The following SCAMP1 variants were observed in gnomAD, a reference collection of about 807,000 sequenced individuals.
SCAMP1 encodes secretory carrier membrane protein 1.
In SCAMP1, 15 loss-of-function variants were observed where a neutral mutation model predicts 41.8. The ratio of observed to expected loss-of-function variants is 0.36; its 90% CI spans 0.24 to 0.55. The LOEUF (loss-of-function observed/expected upper bound fraction) is 0.55, where lower values mean the gene tolerates loss of function less well. SCAMP1 is among the 20% of genes least tolerant of loss of function. SCAMP1 has a pLI of 0.86. For missense variants in SCAMP1, 341 were observed against 412.6 expected (o/e 0.83, Z 1.50); for synonymous variants, 135 against 136.8 (o/e 0.99, Z 0.09).
chr5:78,389,005 C>T (rs1751419065), intron 2 of SCAMP1, 91 bp downstream of exon 2: 5 of 628,292 alleles, frequency 8.0e-6, no homozygotes, highest in African/African-American at 3.8e-5. Flanking sequence ...ATTGCTTACA[C>T]TTAAATAAAA....
At chr5:78,390,671 T>A (rs78223969) in intron 2 of SCAMP1, among the ~76,000 whole-genome samples, 3 of 151,420 alleles carry the variant, frequency 2.0e-5, no homozygotes, top group South Asian at 2.1e-4. Context: ...TTTTTTTTTT[T>A]ATTGATCATT....
At chr5:78,405,804 C>G (rs368910832) in intron 2 of SCAMP1, among the ~76,000 whole-genome samples, 1 of 152,244 alleles carries the variant, frequency 6.6e-6, no homozygotes, top group Admixed American at 6.5e-5. Flanking sequence ...GTTCCTTTAT[C>G]TATTTGAAAA....
intron 2 of SCAMP1, among the ~76,000 whole-genome samples, chr5:78,397,616 G>C (rs1751684318): frequency 6.6e-6 from 1 of 152,080 alleles, no homozygotes; most frequent in Non-Finnish European, 1.5e-5. Flanking sequence ...AATTATTACA[G>C]TTCAATATTA....
In SCAMP1 at chr5:78,475,601, C is replaced by T; in HGVS notation, c.950C>T (p.Ala317Val). 6.2e-7 allele frequency: 1 copy of T among 1,607,524 alleles called. No individual in the cohort carries two copies. The highest frequency in any genetic ancestry group is 8.5e-7 in the Non-Finnish European group (1 of 1,177,160). ...VMSNKTVQTA[A>V]ANAASTAASS... Reference sequence around the variant, plus strand: ...TCCAACAAAACTGTCCAGACCGCAGCTGCAAATGCAGCTTCAACTGCAGCA... The same window carrying T: ...TCCAACAAAACTGTCCAGACCGCAGTTGCAAATGCAGCTTCAACTGCAGCA... Residue 317 changes from alanine (A) to valine (V), a missense_variant, in exon 9 of 9, where the codon GCT becomes GTT. Coordinates refer to ENST00000621999, the MANE Select transcript of SCAMP1 (RefSeq NM_004866.6).
At chr5:78,444,131 A>G (rs1241229798) in intron 6 of SCAMP1, among the ~76,000 whole-genome samples, 1 of 152,184 alleles carries the variant, frequency 6.6e-6, no homozygotes, top group Non-Finnish European at 1.5e-5. Context: ...ATTTCAGCAT[A>G]AAGTTACTAA....
chr5:78,452,873 C>G (rs1376664388), intron 7 of SCAMP1, among the ~76,000 whole-genome samples: 2 of 149,404 alleles, frequency 1.3e-5, no homozygotes, highest in South Asian at 4.3e-4. Context: ...TTTTAATGAT[C>G]GCCATTCTAA....
At chr5:78,383,151 T>TATCA (rs1241555257) in intron 1 of SCAMP1, among the ~76,000 whole-genome samples, 1 of 152,236 alleles carries the variant, frequency 6.6e-6, no homozygotes, top group Admixed American at 6.5e-5. Flanking sequence ...AGTAAGTTGG[T>TATCA]ATCACATTGT....
chr5:78,363,428 C>G lies in SCAMP1; in HGVS notation c.57+2700C>G, dbSNP rs1750713235. 2.6e-5 allele frequency among the ~76,000 whole-genome samples: 4 copies of G among 152,012 alleles called. 1 individual carries two copies. The South Asian group carries it at 8.3e-4, about 31-fold the overall frequency. ...GTTTCACCGTGTTAGCCAGGATGGT[C>G]TCGATCTCCTGACCTCGTGATCTAC... On this transcript the variant is annotated intron_variant, in intron 1 of 8. Transcript: ENST00000621999.
chr5:78,474,426 G>C (rs1188366642), intron 8 of SCAMP1, among the ~76,000 whole-genome samples: 1 of 152,168 alleles, frequency 6.6e-6, no homozygotes, highest in Non-Finnish European at 1.5e-5. Context: ...GAGTTGGAAT[G>C]AATGAACAAA....
rs1352007400 is a variant in SCAMP1 at position 78,451,712 on chromosome 5, C to T, written c.734+1678C>T. ...TCGCCCTATCACCCAGGCTGGAGTG[C>T]CGTGGCATGATCTCAGCTCACTGCC... On this transcript the variant is annotated intron_variant, in intron 7 of 8. Transcript: ENST00000621999. Among the ~76,000 whole-genome samples, 3 of 152,198 alleles carry T rather than the reference C, an allele frequency of 2.0e-5. No homozygotes were observed. The East Asian group carries it at 5.8e-4, about 29-fold the overall frequency.
At chr5:78,450,248 A>G (rs981098324) in intron 7 of SCAMP1, among the ~76,000 whole-genome samples, 14 of 152,188 alleles carry the variant, frequency 9.2e-5, no homozygotes, top group African/African-American at 3.1e-4. Context: ...AAAACAGCAC[A>G]TTTTTTCTAG....
At chr5:78,439,489 G>C (rs1752860303) in intron 6 of SCAMP1, among the ~76,000 whole-genome samples, 2 of 151,942 alleles carry the variant, frequency 1.3e-5, no homozygotes, top group South Asian at 4.1e-4. Context: ...AGTTTGGCTG[G>C]ATATGAAATT....
At chr5:78,375,757 C>T (rs992889376) in intron 1 of SCAMP1, among the ~76,000 whole-genome samples, 12 of 151,998 alleles carry the variant, frequency 7.9e-5, no homozygotes, top group African/African-American at 2.9e-4. Context: ...TCTAGTTTGT[C>T]ATATTTCTTT....
At chr5:78,410,863 A>G (rs1329049430) in intron 2 of SCAMP1, among the ~76,000 whole-genome samples, 1 of 152,006 alleles carries the variant, frequency 6.6e-6, no homozygotes, top group Non-Finnish European at 1.5e-5. Context: ...ACGGTATCTC[A>G]TTGTGGTTTT....
At position 78,435,324 on chromosome 5, in the gene SCAMP1, T is replaced by G. The variant is rs1752721898; in HGVS notation, c.632+13364T>G. On this transcript the variant is annotated intron_variant, in intron 6 of 8. Transcript: ENST00000621999. ...ATAAGTATACATGTGCCATGTTGGT[T>G]TGCTGCACCCATCAACTCATCATTT... 2.0e-5 allele frequency among the ~76,000 whole-genome samples: 3 copies of G among 152,126 alleles called. 1 individual carries two copies. Among genetic ancestry groups the G allele is most frequent in the Admixed American group, 1.3e-4 (2 of 15,268 alleles).
At chr5:78,391,388 G>C (rs1357779973) in intron 2 of SCAMP1, among the ~76,000 whole-genome samples, 1 of 151,632 alleles carries the variant, frequency 6.6e-6, no homozygotes, top group African/African-American at 2.4e-5. Context: ...TCCCGGACGG[G>C]GCGGCTGGCC....
At chr5:78,414,431 C>T (rs1050229589) in intron 2 of SCAMP1, among the ~76,000 whole-genome samples, 10 of 151,866 alleles carry the variant, frequency 6.6e-5, no homozygotes, top group Middle Eastern at 3.2e-3. Flanking sequence ...TGCAGGCGCC[C>T]GCCGCCACAC....
intron 6 of SCAMP1, among the ~76,000 whole-genome samples, chr5:78,423,813 G>A (rs1752399274): frequency 6.6e-6 from 1 of 151,378 alleles, no homozygotes; most frequent in Non-Finnish European, 1.5e-5. Context: ...TTAATAATCT[G>A]GTTTTCACTG....
At chr5:78,419,008 A>G (rs753689723) in intron 5 of SCAMP1, 105 bp downstream of exon 5, 19 of 932,014 alleles carry the variant, frequency 2.0e-5, no homozygotes, top group African/African-American at 3.5e-5. Context: ...TTCTTTTTCT[A>G]TAGATAAAGC....
Sources: gnomAD v4.1 joint callset for allele counts (sites outside exome capture counted in the v4.1 genomes callset) on GRCh38, gnomAD v4.1.1 for gene constraint, MANE v1.5 for transcripts, NCBI Gene and HGNC (gene_info 2026-07-23, HGNC 2026-07-21) for gene names.